Variants in PLCB1 observed in about 807,000 individuals in gnomAD.
PLCB1 encodes the protein phospholipase C beta 1.
PLCB1 carries 46 observed loss-of-function variants against 161.8 expected under a neutral mutation model. The observed-to-expected ratio is 0.28, with a 90% CI of 0.22 to 0.36. The LOEUF is 0.36. PLCB1 is among the 10% of genes least tolerant of loss of function. PLCB1 has a pLI of 1.00. For missense variants in PLCB1, 1,016 were observed against 1,472.5 expected (o/e 0.69, Z 5.07); for synonymous variants, 517 against 503.7 (o/e 1.03, Z -0.35).
chr20:8,806,948 G>C (rs528382160), intron 31 of PLCB1, among the ~76,000 whole-genome samples: 1 of 152,214 alleles, frequency 6.6e-6, no homozygotes, highest in South Asian at 2.1e-4. Context: ...ACTGCTTTGG[G>C]CTAAATTATG....
chr20:8,841,717 TG>T (rs1194679689), intron 31 of PLCB1, among the ~76,000 whole-genome samples: 1 of 152,222 alleles, frequency 6.6e-6, no homozygotes, highest in Non-Finnish European at 1.5e-5. Context: ...AAATAAGCTC[TG>T]AACCACGCAG....
At chr20:8,304,753 G>T (rs1984059123) in intron 2 of PLCB1, among the ~76,000 whole-genome samples, 1 of 151,962 alleles carries the variant, frequency 6.6e-6, no homozygotes, top group Non-Finnish European at 1.5e-5. Context: ...TGTTCTAAGT[G>T]CTCCCATAAT....
chr20:8,876,461 A>G (rs984332379), intron 31 of PLCB1, among the ~76,000 whole-genome samples: 2 of 152,150 alleles, frequency 1.3e-5, no homozygotes, highest in East Asian at 3.9e-4. Context: ...GGCCACAGCA[A>G]TGAAAGGATG....
At chr20:8,320,322 T>C (rs1400989715) in intron 2 of PLCB1, among the ~76,000 whole-genome samples, 1 of 152,222 alleles carries the variant, frequency 6.6e-6, no homozygotes, top group Non-Finnish European at 1.5e-5. Context: ...ATTTGTTACA[T>C]GCCAGACTCA....
chr20:8,186,720 G>A (rs1300012028), intron 2 of PLCB1, among the ~76,000 whole-genome samples: 1 of 152,008 alleles, frequency 6.6e-6, no homozygotes, highest in Non-Finnish European at 1.5e-5. Context: ...GAGAAAACCT[G>A]TGCGAGTGAA....
intron 2 of PLCB1, 41 bp downstream of exon 2, chr20:8,150,412 T>C (rs1600200117): frequency 1.1e-6 from 1 of 891,006 alleles, no homozygotes; most frequent in East Asian, 2.5e-5. Context: ...TTTCAGTCGT[T>C]TACTACTTTG....
chr20:8,462,118 A>C (rs1176294989), intron 3 of PLCB1, among the ~76,000 whole-genome samples: 1 of 152,158 alleles, frequency 6.6e-6, no homozygotes, highest in African/African-American at 2.4e-5. Context: ...ACATATGTAT[A>C]CACACATATA....
At chr20:8,463,932 G>A (rs1243374604) in intron 3 of PLCB1, among the ~76,000 whole-genome samples, 1 of 152,002 alleles carries the variant, frequency 6.6e-6, no homozygotes, top group South Asian at 2.1e-4. Flanking sequence ...CTCTGACTTT[G>A]CATTTGGGAT....
chr20:8,665,583 A>G (rs969458227), intron 9 of PLCB1, among the ~76,000 whole-genome samples: 1 of 152,108 alleles, frequency 6.6e-6, no homozygotes, highest in Non-Finnish European at 1.5e-5. Context: ...TTTCTGACTC[A>G]ATCATTCTTT....
intron 3 of PLCB1, among the ~76,000 whole-genome samples, chr20:8,385,335 G>A (rs1809399993): frequency 3.3e-5 from 5 of 152,204 alleles, no homozygotes. Context: ...GTGTTGGGCT[G>A]TGGGGGAACC....
chr20:8,563,350 G>A (rs1986208661), intron 3 of PLCB1, among the ~76,000 whole-genome samples: 3 of 151,810 alleles, frequency 2.0e-5, no homozygotes, highest in African/African-American at 7.3e-5. Flanking sequence ...TATAGACAGG[G>A]GCTCTGTCCT....
At chr20:8,499,019 G>A (rs1288472174) in intron 3 of PLCB1, among the ~76,000 whole-genome samples, 1 of 152,100 alleles carries the variant, frequency 6.6e-6, no homozygotes, top group Non-Finnish European at 1.5e-5. Flanking sequence ...AAATCTTCCT[G>A]TACCACTTGT....
chr20:8,280,637 A>T (rs1473759112), intron 2 of PLCB1, among the ~76,000 whole-genome samples: 1 of 152,242 alleles, frequency 6.6e-6, no homozygotes, highest in Non-Finnish European at 1.5e-5. Flanking sequence ...TGTCTTAAAT[A>T]TAAGTATTGA....
At chr20:8,284,009 A>G (rs1170343583) in intron 2 of PLCB1, among the ~76,000 whole-genome samples, 1 of 151,864 alleles carries the variant, frequency 6.6e-6, no homozygotes, top group Non-Finnish European at 1.5e-5. Context: ...TTTTCTTTCA[A>G]TATTTATATT....
chr20:8,684,889 TA>T, intron 9 of PLCB1, 42 bp from the exon 10 acceptor site: 1 of 1,494,674 alleles, frequency 6.7e-7, no homozygotes, highest in Non-Finnish European at 9.2e-7. Flanking sequence ...TTGACACCCA[TA>T]AAAGAATGCA....
intron 31 of PLCB1, among the ~76,000 whole-genome samples, chr20:8,806,062 G>A (rs1253801337): frequency 6.6e-6 from 1 of 152,098 alleles, no homozygotes; most frequent in Non-Finnish European, 1.5e-5. Context: ...GATCACAACA[G>A]CACAAGGCAT....
chr20:8,498,095 GT>G (rs1468746259), intron 3 of PLCB1, among the ~76,000 whole-genome samples: 6 of 152,038 alleles, frequency 3.9e-5, no homozygotes, highest in Admixed American at 3.3e-4. Flanking sequence ...GCCTTTATGG[GT>G]TTTTCTTTTC....
chr20:8,253,286 G>A (rs1326924551), intron 2 of PLCB1, among the ~76,000 whole-genome samples: 1 of 151,936 alleles, frequency 6.6e-6, no homozygotes, highest in Non-Finnish European at 1.5e-5. Context: ...TTGATGTACA[G>A]TTACTCTAGC....
intron 7 of PLCB1, chr20:8,653,649 A>AT (rs1253245081): frequency 8.5e-5 from 13 of 152,118 alleles, no homozygotes; most frequent in Non-Finnish European, 1.5e-4. Flanking sequence ...TTAAAATAAC[A>AT]TTTTTTCTGA....
Sources: gnomAD v4.1 joint callset for allele counts (sites outside exome capture counted in the v4.1 genomes callset) on GRCh38, gnomAD v4.1.1 for gene constraint, MANE v1.5 for transcripts, NCBI Gene and HGNC (gene_info 2026-07-23, HGNC 2026-07-21) for gene names.